PCLO: variants seen among roughly 807,000 people sequenced by gnomAD.
The protein encoded by PCLO is protein piccolo.
Under a neutral mutation model 427.5 loss-of-function variants are expected in PCLO, and 82 were observed. The observed-to-expected ratio is 0.19, with a 90% CI of 0.16 to 0.23. The LOEUF is 0.23. Among genes scored for constraint, PCLO ranks in the 10% least tolerant of loss-of-function variants. PCLO has a pLI of 1.00. For missense variants in PCLO, 6,239 were observed against 6,115.9 expected (o/e 1.02, Z -0.67); for synonymous variants, 2,357 against 2,155.4 (o/e 1.09, Z -2.59).
At chr7:82,949,363 T>G (rs1243970536) in intron 6 of PCLO, 113 bp downstream of exon 6, 2 of 764,128 alleles carry the variant, frequency 2.6e-6, no homozygotes, top group Non-Finnish European at 4.4e-6. Flanking sequence ...ATCTTCACCC[T>G]AATCTAGTAT....
Position 82,966,311 on chromosome 7 carries a change from C to T in PCLO, c.3477G>A (p.Lys1159=). Residue 1159 remains lysine (K), a synonymous_variant, in exon 4 of 25, where the codon AAG becomes AAA. Transcript: ENST00000333891. ...CTTCCGTTTTTACTTCTTGTTCTTG[C>T]TTTTTCACTAATTTTACTTGGGGAG... is the stretch of plus-strand genomic sequence containing the variant. The part of the protein sequence containing the change: ...AVPPQVKLVK[K]QEQEVKTEAE... The T allele has an allele frequency of 6.2e-7, 1 of 1,613,582 alleles. No homozygotes were observed. Among genetic ancestry groups the T allele is most frequent in the Non-Finnish European group, 8.5e-7 (1 of 1,179,796 alleles).
intron 22 of PCLO, among the ~76,000 whole-genome samples, chr7:82,798,826 C>T (rs1791282237): frequency 6.6e-6 from 1 of 152,138 alleles, no homozygotes; most frequent in South Asian, 2.1e-4. Context: ...ACCAAAAGGG[C>T]ACTTGACTAT....
chr7:82,827,812 T>TA (rs1562804629), intron 17 of PCLO, 61 bp downstream of exon 17: 1 of 924,082 alleles, frequency 1.1e-6, no homozygotes, highest in African/African-American at 1.7e-5. Flanking sequence ...TTTTGAATAA[T>TA]TGTGTTATCA....
intron 3 of PCLO, among the ~76,000 whole-genome samples, chr7:82,998,926 G>C (rs114174813): frequency 6.6e-6 from 1 of 151,642 alleles, no homozygotes; most frequent in Non-Finnish European, 1.5e-5. Context: ...TGTTCTAATA[G>C]ATGAAGTATA....
intron 3 of PCLO, among the ~76,000 whole-genome samples, chr7:83,020,491 T>A (rs1044598380): frequency 6.7e-6 from 1 of 148,660 alleles, no homozygotes; most frequent in African/African-American, 2.5e-5. Context: ...AGGAACTAGC[T>A]TACATCACTT....
chr7:82,801,438 G>T, intron 22 of PCLO, 80 bp downstream of exon 22: 1 of 762,370 alleles, frequency 1.3e-6, no homozygotes, highest in Non-Finnish European at 2.3e-6. Context: ...TTAAATTCAT[G>T]TTAAAAGAAA....
At chr7:82,765,790 T>C (rs1290623057) in intron 22 of PCLO, among the ~76,000 whole-genome samples, 2 of 152,020 alleles carry the variant, frequency 1.3e-5, no homozygotes, top group African/African-American at 4.8e-5. Context: ...CTATCTTTTT[T>C]TAAAAGGAGC....
chr7:83,038,033 ATATATT>A lies in PCLO; in HGVS notation c.3301-71552_3301-71547del, dbSNP rs1159395431. On this transcript the variant is annotated intron_variant, in intron 3 of 24. Transcript: ENST00000333891. ...TATATATATATATATATATATATTTATATATTTATATATATATCTTTATATATATAT... is the reference window on the plus strand; with the variant it reads ...TATATATATATATATATATATATTTATATATATATATCTTTATATATATAT... Among the ~76,000 whole-genome samples the A allele has an allele frequency of 5.5e-4, 30 of 54,352 alleles. 2 individuals carry two copies. Among genetic ancestry groups the A allele is most frequent in the South Asian group, 1.5e-3 (3 of 2,026 alleles). The allele number at this position is 54,352 out of a possible 152,430, so 35.7% of individuals were successfully genotyped here.
chr7:82,764,529 GT>G (rs1562775203), intron 22 of PCLO, among the ~76,000 whole-genome samples: 1 of 151,810 alleles, frequency 6.6e-6, no homozygotes, highest in African/African-American at 2.4e-5. Flanking sequence ...GCAAAGCCTA[GT>G]TCTATACTAT....
At chr7:82,809,863 T>G (rs1773730388) in intron 20 of PCLO, among the ~76,000 whole-genome samples, 1 of 151,592 alleles carries the variant, frequency 6.6e-6, no homozygotes, top group Admixed American at 6.6e-5. Context: ...ATCATTCAAC[T>G]ATATTTTTTA....
At position 83,057,283 on chromosome 7, in the gene PCLO, T is replaced by G. The variant is rs546308977; in HGVS notation, c.3300+76967A>C. On this transcript the variant is annotated intron_variant, in intron 3 of 24. Coordinates refer to ENST00000333891, the MANE Select transcript of PCLO (RefSeq NM_033026.6). ...CTGATCTTGAACTCTTGACCTCAAA[T>G]GATCCATCTGAAGGAAAATAATCAT... Among the ~76,000 whole-genome samples the G allele has an allele frequency of 1.2e-3, 146 of 125,068 alleles. 1 individual carries two copies. Among genetic ancestry groups the G allele is most frequent in the Admixed American group, 3.0e-3 (30 of 10,114 alleles). 82.0% of individuals were successfully genotyped at this position (125,068 alleles called of 152,430 possible). A position where few individuals can be genotyped will look rare whatever the true frequency, so the allele number is the denominator to read the frequency against.
intron 3 of PCLO, among the ~76,000 whole-genome samples, chr7:83,127,899 C>T (rs1047228718): frequency 1.3e-5 from 2 of 152,080 alleles, no homozygotes; most frequent in South Asian, 4.1e-4. Flanking sequence ...TTAGGCCACA[C>T]CAGGCATCAG....
At position 83,094,210 on chromosome 7, in the gene PCLO, C is replaced by CTGTTTTTTTTTTTTTTTT. The variant is rs61363541; in HGVS notation, c.3300+40039_3300+40040insAAAAAAAAAAAAAAAACA. On this transcript the variant is annotated intron_variant, in intron 3 of 24. Coordinates refer to ENST00000333891, the MANE Select transcript of PCLO (RefSeq NM_033026.6). ...AACCTTTTGGGACTGATTTTTTTTT[C>CTGTTTTTTTTTTTTTTTT]TTTTTTTTTTTTTTTTTGAGACAGA... Among the ~76,000 whole-genome samples the CTGTTTTTTTTTTTTTTTT allele has an allele frequency of 2.4e-5, 3 of 126,020 alleles. 1 individual carries two copies. The allele number at this position is 126,020 out of a possible 152,430, so 82.7% of individuals were successfully genotyped here.
chr7:83,080,951 A>G (rs1562954146), intron 3 of PCLO, among the ~76,000 whole-genome samples: 1 of 151,730 alleles, frequency 6.6e-6, no homozygotes, highest in Non-Finnish European at 1.5e-5. Context: ...AATTATAATA[A>G]TATACTGTAA....
intron 10 of PCLO, among the ~76,000 whole-genome samples, chr7:82,876,502 C>T (rs1227869019): frequency 1.4e-5 from 2 of 147,210 alleles, no homozygotes; most frequent in African/African-American, 5.4e-5. Context: ...ACCACACACA[C>T]GTACCAGTAA....
At chr7:82,770,859 G>T (rs1249488504) in intron 22 of PCLO, among the ~76,000 whole-genome samples, 1 of 151,644 alleles carries the variant, frequency 6.6e-6, no homozygotes, top group East Asian at 1.9e-4. Flanking sequence ...TATTTGCATT[G>T]AATTTTATCT....
At chr7:83,098,769 A>C (rs192303178) in intron 3 of PCLO, among the ~76,000 whole-genome samples, 1 of 152,288 alleles carries the variant, frequency 6.6e-6, no homozygotes, top group East Asian at 1.9e-4. Flanking sequence ...CTCATGCTCA[A>C]GAAAACATGT....
chr7:82,985,247 T>C (rs1464955665), intron 3 of PCLO, among the ~76,000 whole-genome samples: 4 of 152,012 alleles, frequency 2.6e-5, no homozygotes, highest in South Asian at 2.1e-4. Context: ...TAATAGTATA[T>C]AGGCTCTCTG....
intron 1 of PCLO, among the ~76,000 whole-genome samples, chr7:83,157,378 A>T (rs2116697608): frequency 6.6e-6 from 1 of 152,240 alleles, no homozygotes; most frequent in East Asian, 1.9e-4. Flanking sequence ...GTATCCATAT[A>T]TCTTACTTAG....
Sources: allele counts gnomAD v4.1 joint callset (sites outside exome capture counted in the v4.1 genomes callset), GRCh38; gene constraint gnomAD v4.1.1; transcripts MANE v1.5; gene names NCBI Gene and HGNC (gene_info 2026-07-23, HGNC 2026-07-21).